Variants in TP73 observed in about 807,000 individuals in gnomAD.
The protein encoded by TP73 is tumor protein p73.
TP73 carries 25 observed loss-of-function variants against 62.5 expected under a neutral mutation model. The ratio of observed to expected loss-of-function variants is 0.40; its 90% CI spans 0.29 to 0.56. TP73 has a LOEUF of 0.56. Among genes scored for constraint, TP73 ranks in the 20% least tolerant of loss-of-function variants. TP73 has a pLI of 0.46. For missense variants in TP73, 754 were observed against 913.3 expected (o/e 0.83, Z 2.25); for synonymous variants, 423 against 377.5 (o/e 1.12, Z -1.40).
At chr1:3,658,841 A>T (rs61762231) in intron 1 of TP73, 17 of 74,560 alleles carry the variant, frequency 2.3e-4, no homozygotes, top group Non-Finnish European at 2.9e-4. Context: ...TTTTGGGGTG[A>T]CGTATTCTAG....
At chr1:3,673,352 G>C (rs1645287169) in intron 1 of TP73, among the ~76,000 whole-genome samples, 1 of 152,182 alleles carries the variant, frequency 6.6e-6, no homozygotes, top group African/African-American at 2.4e-5. Context: ...GGCCTCATTG[G>C]TTCTTCCTCC....
chr1:3,683,060 G>A lies in TP73; in HGVS notation c.66G>A (p.Leu22=), dbSNP rs780791352. The change falls in exon 3 of 14, where the codon CTG becomes CTA. Residue 22 remains leucine (L), a splice_region_variant and synonymous_variant. Coordinates refer to ENST00000378295, the MANE Select transcript of TP73 (RefSeq NM_005427.4). ...TTCTATTTTCCTCTCCCTGCCCCAGGGAACCAGACAGCACCTACTTCGACC... is the reference window on the plus strand; with the variant it reads ...TTCTATTTTCCTCTCCCTGCCCCAGAGAACCAGACAGCACCTACTTCGACC... ...GTTFEHLWSS[L]EPDSTYFDLP... The A allele has an allele frequency of 2.5e-6, 4 of 1,600,302 alleles. No individual in the cohort carries two copies. The highest frequency in any genetic ancestry group is 1.1e-5 in the South Asian group (1 of 90,598).
intron 1 of TP73, among the ~76,000 whole-genome samples, chr1:3,654,120 G>A (rs1644816169): frequency 1.3e-5 from 2 of 152,200 alleles, no homozygotes; most frequent in Non-Finnish European, 2.9e-5. Flanking sequence ...GTTGCAGCGA[G>A]CTGATATCAT....
At chr1:3,707,085 C>T (rs1376107664) in intron 3 of TP73, among the ~76,000 whole-genome samples, 2 of 152,212 alleles carry the variant, frequency 1.3e-5, no homozygotes, top group African/African-American at 4.8e-5. Flanking sequence ...GCACCCAAGC[C>T]CAGGTGTGCG....
intron 1 of TP73, among the ~76,000 whole-genome samples, chr1:3,664,289 C>T (rs1252605000): frequency 6.6e-6 from 1 of 152,212 alleles, no homozygotes; most frequent in African/African-American, 2.4e-5. Context: ...ACCTGTTTCC[C>T]TGCCCAGTAC....
At chr1:3,698,744 CG>C (rs1475857475) in intron 3 of TP73, among the ~76,000 whole-genome samples, 1 of 152,070 alleles carries the variant, frequency 6.6e-6, no homozygotes, top group African/African-American at 2.4e-5. Flanking sequence ...CGTGGAGGCC[CG>C]GGGGGCACCA....
chr1:3,674,619 G>C (rs1389563160), intron 1 of TP73, among the ~76,000 whole-genome samples: 1 of 152,240 alleles, frequency 6.6e-6, no homozygotes, highest in Non-Finnish European at 1.5e-5. Flanking sequence ...GCCTCTGTCG[G>C]GAGGGGCAGG....
chr1:3,702,355 G>A (rs1056806052), intron 3 of TP73, among the ~76,000 whole-genome samples: 1 of 152,170 alleles, frequency 6.6e-6, no homozygotes, highest in African/African-American at 2.4e-5. Flanking sequence ...CTGGCCTGCT[G>A]CCACCCCAGG....
intron 3 of TP73, 87 bp downstream of exon 3, chr1:3,683,267 G>A: frequency 6.8e-7 from 1 of 1,474,528 alleles, no homozygotes; most frequent in Non-Finnish European, 9.1e-7. Context: ...GGCAGAACCA[G>A]GAGATAGCCT....
chr1:3,667,027 C>T (rs1239245975), intron 1 of TP73, among the ~76,000 whole-genome samples: 1 of 152,060 alleles, frequency 6.6e-6, no homozygotes, highest in Non-Finnish European at 1.5e-5. Context: ...CATCAGGGGG[C>T]CCCACAAGAG....
In TP73 at chr1:3,701,181, G is replaced by A. The variant is rs542108287; in HGVS notation, c.187-6368G>A. On this transcript the variant is annotated intron_variant, in intron 3 of 13. Coordinates refer to ENST00000378295, the MANE Select transcript of TP73 (RefSeq NM_005427.4). The surrounding 1 kb of genome is among the most constrained non-coding windows in gnomAD (Gnocchi z 4.7). Reference sequence around the variant, plus strand: ...GCTATCTGGACACCTCGGGGAACAGGAGAGACCCCGACCCCTGTGAGCACC... The same window carrying A: ...GCTATCTGGACACCTCGGGGAACAGAAGAGACCCCGACCCCTGTGAGCACC... Among the ~76,000 whole-genome samples the A allele has an allele frequency of 4.6e-5, 7 of 152,282 alleles. No individual in the cohort carries two copies. Among genetic ancestry groups the A allele is most frequent in the African/African-American group, 1.7e-4 (7 of 41,562 alleles).
rs1215137164 is a variant in TP73 at position 3,677,689 on chromosome 1, C to CTTTTTTTTTTTTTT, written c.-33-4644_-33-4643insTTTTTTTTTTTTTT. Among the ~76,000 whole-genome samples the CTTTTTTTTTTTTTT allele has an allele frequency of 2.9e-5, 4 of 137,224 alleles. 1 individual carries two copies. The allele number at this position is 137,224 out of a possible 152,430, so 90.0% of individuals were successfully genotyped here. On this transcript the variant is annotated intron_variant, in intron 1 of 13. Coordinates refer to ENST00000378295, the MANE Select transcript of TP73 (RefSeq NM_005427.4). ...CTCATTTATTTCATTTCCTTCCTTC[C>CTTTTTTTTTTTTTT]CTTTTTTTTTTTTTTTTTTTTAGAG...
Position 3,703,907 on chromosome 1 carries a change from C to T in TP73, c.187-3642C>T, listed in dbSNP as rs145069304. The stretch of plus-strand genomic sequence containing the variant: ...CCTGAGGCCATCCCCGGGCCCAAAA[C>T]AGGGAAGACCTTTCCAGGAAGGCCA... On this transcript the variant is annotated intron_variant, in intron 3 of 13. Transcript: ENST00000378295. Among the ~76,000 whole-genome samples the T allele has an allele frequency of 2.0e-4, 30 of 152,288 alleles. 1 individual carries two copies. Among genetic ancestry groups the T allele is most frequent in the Non-Finnish European group, 4.3e-4 (29 of 68,012 alleles).
chr1:3,709,084 T>C (rs929163476), intron 4 of TP73, among the ~76,000 whole-genome samples: 2 of 152,208 alleles, frequency 1.3e-5, no homozygotes, highest in Non-Finnish European at 2.9e-5. Context: ...TAAGGTAGAC[T>C]GTCAGGCTCT....
rs374679508 is a variant in TP73, at chr1:3,696,334, G to A, written c.187-11215G>A. On this transcript the variant is annotated intron_variant, in intron 3 of 13. Coordinates refer to ENST00000378295, the MANE Select transcript of TP73 (RefSeq NM_005427.4). This position sits in a 1 kb window ranked among gnomAD's most constrained non-coding sequence, Gnocchi z 4.1. ...AAGGCAGGAAAGGCCGGCAGGGTCT[G>A]GATGTGAGGTGGGTAAGGAGTTGGG... 1.1e-3 allele frequency among the ~76,000 whole-genome samples: 162 copies of A among 152,196 alleles called. No homozygotes were observed. The highest frequency in any genetic ancestry group is 3.8e-3 in the African/African-American group (159 of 41,534).
intron 1 of TP73, among the ~76,000 whole-genome samples, chr1:3,676,308 C>T (rs1286992318): frequency 2.5e-5 from 3 of 118,594 alleles, no homozygotes; most frequent in Non-Finnish European, 4.9e-5. Flanking sequence ...GACAGAGAAA[C>T]AGGAGATGGG....
intron 1 of TP73, among the ~76,000 whole-genome samples, chr1:3,664,189 G>T (rs549354769): frequency 6.6e-6 from 1 of 152,360 alleles, no homozygotes; most frequent in South Asian, 2.1e-4. Context: ...CTTCCTACCA[G>T]CCCAGATGCA....
In TP73 at chr1:3,731,380, C is replaced by A. The variant is rs12569205; in HGVS notation, c.1485-83C>A. ...GAGACAGCGGCAGTCTCCGCCCCAG[C>A]CAGGCCACTCTCAGAGATGGGGGCT... On this transcript the variant is annotated intron_variant, in intron 12 of 13. Coordinates refer to ENST00000378295, the MANE Select transcript of TP73 (RefSeq NM_005427.4). 9.0e-3 allele frequency: 12,533 copies of A among 1,399,544 alleles called. 901 individuals are homozygous for A. The East Asian group carries it at 0.17, about 19-fold the overall frequency. 86.7% of individuals were successfully genotyped at this position (1,399,544 alleles called of 1,614,324 possible).
At chr1:3,728,377 CA>C (rs1039136758) in intron 9 of TP73, among the ~76,000 whole-genome samples, 160 bp downstream of exon 9, 2 of 152,214 alleles carry the variant, frequency 1.3e-5, no homozygotes, top group Admixed American at 1.3e-4. Context: ...AACCTGCTTG[CA>C]AGAGCCAGAC....
Sources: allele counts gnomAD v4.1 joint callset (sites outside exome capture counted in the v4.1 genomes callset), GRCh38; gene constraint gnomAD v4.1.1; non-coding constraint Gnocchi (gnomAD v3.1); transcripts MANE v1.5; gene names NCBI Gene and HGNC (gene_info 2026-07-23, HGNC 2026-07-21).